Variants in EDA observed in about 807,000 individuals in gnomAD.
EDA encodes ectodysplasin A, also known as ectodysplasin-A.
In EDA, 2 loss-of-function variants were observed where a neutral mutation model predicts 23.6. The observed-to-expected ratio is 0.08, with a 90% CI of 0.03 to 0.27. The LOEUF (loss-of-function observed/expected upper bound fraction) is 0.27, where lower values mean the gene tolerates loss of function less well. Among genes scored for constraint, EDA ranks in the 10% least tolerant of loss-of-function variants. The pLI is 1.00. For synonymous variants in EDA, 131 were observed against 132.0 expected, an observed-to-expected ratio of 0.99 and a Z score of 0.05; for missense variants, 229 against 324.2, an observed-to-expected ratio of 0.71 and a Z score of 2.26.
intron 1 of EDA, among the ~76,000 whole-genome samples, chrX:69,692,125 T>C (rs1934727445): frequency 9.0e-6 from 1 of 111,654 alleles, no homozygotes; most frequent in Admixed American, 9.5e-5. Context: ...TTTCCCTTTC[T>C]CTGAAATGAG....
In EDA at chrX:69,711,057, C is replaced by T. The variant is rs776745089; in HGVS notation, c.396+94353C>T. Among the ~76,000 whole-genome samples the T allele has an allele frequency of 1.1e-4, 12 of 111,484 alleles. No individual in the cohort carries two copies. In the East Asian group the frequency reaches 2.0e-3, roughly 18 times the overall value. On this transcript the variant is annotated intron_variant, in intron 1 of 7. Coordinates refer to ENST00000374552, the MANE Select transcript of EDA (RefSeq NM_001399.5). The stretch of plus-strand genomic sequence containing the variant: ...GAATAGGAGTGGTGAGAGAGGGCAT[C>T]GCTGTCTTGTGCCAGTTTTCAAAGG...
At chrX:69,996,499 C>T (rs180925462) in intron 2 of EDA, among the ~76,000 whole-genome samples, 1 of 112,284 alleles carries the variant, frequency 8.9e-6, no homozygotes, top group Non-Finnish European at 1.9e-5. Context: ...TAAATTTAAT[C>T]ACTACATCCC....
intron 1 of EDA, among the ~76,000 whole-genome samples, chrX:69,644,672 G>C (rs1024660832): frequency 7.2e-4 from 80 of 111,203 alleles, no homozygotes; most frequent in Non-Finnish European, 1.5e-4. Context: ...TGGTAAGAGG[G>C]GGTATCCTTG....
chrX:69,835,317 T>G (rs1169147989), intron 1 of EDA, among the ~76,000 whole-genome samples: 1 of 112,187 alleles, frequency 8.9e-6, no homozygotes, highest in East Asian at 2.8e-4. Context: ...TTTTCCAACT[T>G]GGTTCCCTTC....
At chrX:69,632,524 A>T (rs1932640097) in intron 1 of EDA, among the ~76,000 whole-genome samples, 1 of 112,358 alleles carries the variant, frequency 8.9e-6, no homozygotes, top group African/African-American at 3.2e-5. Context: ...TTAGTTACCT[A>T]GCAATCTTTC....
At chrX:69,711,339 A>C (rs977672119) in intron 1 of EDA, among the ~76,000 whole-genome samples, 1 of 111,573 alleles carries the variant, frequency 9.0e-6, no homozygotes, top group Non-Finnish European at 1.9e-5. Flanking sequence ...CCCAGGGATG[A>C]AGCCCACTTG....
intron 2 of EDA, among the ~76,000 whole-genome samples, chrX:69,984,109 G>T (rs534705451): frequency 2.8e-5 from 2 of 72,002 alleles, no homozygotes; most frequent in Non-Finnish European, 5.1e-5. Flanking sequence ...TCTCTGGGAC[G>T]CATTCAAAGC....
In EDA at chrX:69,865,590, C is replaced by G. The variant is rs758781022; in HGVS notation, c.397-91437C>G. Among the ~76,000 whole-genome samples, 278 of 111,698 alleles carry G rather than the reference C, an allele frequency of 2.5e-3. 3 individuals are homozygous for G. Among genetic ancestry groups the G allele is most frequent in the African/African-American group, 8.7e-3 (268 of 30,725 alleles). The stretch of plus-strand genomic sequence containing the variant: ...ATTTGCCTTCCCCAGCCCACTGACT[C>G]AATTGTTAATCTCTTTTGGCAACAC... On this transcript the variant is annotated intron_variant, in intron 1 of 7. Coordinates refer to ENST00000374552, the MANE Select transcript of EDA (RefSeq NM_001399.5).
intron 1 of EDA, among the ~76,000 whole-genome samples, chrX:69,637,028 C>T (rs910831551): frequency 1.8e-5 from 2 of 111,469 alleles, no homozygotes; most frequent in Non-Finnish European, 3.8e-5. Context: ...TTTCAAGAGA[C>T]TGTCTTATCC....
intron 1 of EDA, among the ~76,000 whole-genome samples, chrX:69,713,371 T>C (rs1169534977): frequency 2.7e-5 from 3 of 111,876 alleles, no homozygotes; most frequent in African/African-American, 9.7e-5. Context: ...ATCTTATTCA[T>C]ATTTCTTCAG....
chrX:69,893,510 A>G (rs955079971), intron 1 of EDA, among the ~76,000 whole-genome samples: 2 of 112,139 alleles, frequency 1.8e-5, no homozygotes, highest in African/African-American at 6.5e-5. Context: ...GAATTGATTC[A>G]AAAACATTAG....
chrX:69,631,677 C>A (rs1932600081), intron 1 of EDA, among the ~76,000 whole-genome samples: 1 of 107,376 alleles, frequency 9.3e-6, no homozygotes, highest in Admixed American at 1.0e-4. Flanking sequence ...TCTCTAAGGA[C>A]AAGCTTAAAT....
chrX:69,636,778 G>A (rs189945944), intron 1 of EDA, among the ~76,000 whole-genome samples: 223 of 110,423 alleles, frequency 2.0e-3, no homozygotes, highest in Non-Finnish European at 3.9e-3. Flanking sequence ...TCTATTTATT[G>A]AGAGGATTAT....
chrX:69,888,927 T>G (rs1423932275), intron 1 of EDA, among the ~76,000 whole-genome samples: 1 of 84,861 alleles, frequency 1.2e-5, no homozygotes, highest in Non-Finnish European at 2.3e-5. Context: ...GCTTTCCATT[T>G]TTTGTGGTAT....
At chrX:69,841,933 G>A in intron 1 of EDA, among the ~76,000 whole-genome samples, 1 of 111,702 alleles carries the variant, frequency 9.0e-6, no homozygotes, top group South Asian at 3.7e-4. Context: ...TTTTCCACAG[G>A]GTTATTTCAG....
At chrX:69,804,243 C>A (rs2015763237) in intron 1 of EDA, among the ~76,000 whole-genome samples, 1 of 110,783 alleles carries the variant, frequency 9.0e-6, no homozygotes. Flanking sequence ...TCATATTGTT[C>A]TTCATAGTGT....
At chrX:69,825,887 TG>T (rs2016414298) in intron 1 of EDA, among the ~76,000 whole-genome samples, 1 of 109,911 alleles carries the variant, frequency 9.1e-6, no homozygotes, top group South Asian at 4.1e-4. Flanking sequence ...CCAGAGATTC[TG>T]GTATGTTGTG....
intron 1 of EDA, 110 bp from the exon 2 acceptor site, chrX:69,956,917 G>A (rs2019016294): frequency 2.6e-5 from 17 of 644,403 alleles, no homozygotes; most frequent in Middle Eastern, 3.5e-4. Context: ...TCAGGCTTTA[G>A]ACACATCAAA....
At chrX:70,020,277 G>A (rs1462460554) in intron 2 of EDA, among the ~76,000 whole-genome samples, 1 of 111,820 alleles carries the variant, frequency 8.9e-6, no homozygotes, top group Non-Finnish European at 1.9e-5. Context: ...CATATGTGGG[G>A]CCGGGTGCAG....
Sources: allele counts gnomAD v4.1 joint callset (sites outside exome capture counted in the v4.1 genomes callset), GRCh38; gene constraint gnomAD v4.1.1; transcripts MANE v1.5; gene names NCBI Gene and HGNC (gene_info 2026-07-23, HGNC 2026-07-21).